Variants in TEAD1 observed in about 807,000 individuals in gnomAD.
TEAD1 encodes TEA domain transcription factor 1.
A neutral mutation model predicts 54.9 loss-of-function variants in TEAD1; 9 were observed. The ratio of observed to expected loss-of-function variants is 0.16; its 90% CI spans 0.10 to 0.29. The LOEUF (loss-of-function observed/expected upper bound fraction) is 0.29. Among genes scored for constraint, TEAD1 ranks in the 10% least tolerant of loss-of-function variants. The pLI is 1.00. For missense variants in TEAD1, 387 were observed against 535.9 expected (o/e 0.72, Z 2.74); for synonymous variants, 200 against 187.8 (o/e 1.07, Z -0.53).
At chr11:12,749,393 T>C (rs75357770) in intron 2 of TEAD1, among the ~76,000 whole-genome samples, 6,560 of 152,256 alleles carry the variant, frequency 0.043, 459 homozygotes, top group African/African-American at 0.15. Context: ...GAAGGAAATA[T>C]ATTCCCCCTG....
chr11:12,708,667 G>A (rs902009904), intron 2 of TEAD1, among the ~76,000 whole-genome samples: 8 of 152,066 alleles, frequency 5.3e-5, no homozygotes, highest in Non-Finnish European at 1.0e-4. Context: ...GTGTTCCTCC[G>A]CACCATAATG....
At chr11:12,790,816 A>G (rs1945785325) in intron 3 of TEAD1, among the ~76,000 whole-genome samples, 1 of 152,220 alleles carries the variant, frequency 6.6e-6, no homozygotes, top group Non-Finnish European at 1.5e-5. Flanking sequence ...CCAGTGAGTT[A>G]CCACTTCATA....
chr11:12,908,176 A>G (rs1408095618), intron 10 of TEAD1, among the ~76,000 whole-genome samples: 1 of 152,136 alleles, frequency 6.6e-6, no homozygotes, highest in South Asian at 2.1e-4. Flanking sequence ...CCTGCTTTTC[A>G]TATGCAAACC....
At chr11:12,854,758 ATTTT>A (rs11364747) in intron 3 of TEAD1, among the ~76,000 whole-genome samples, 1 of 124,092 alleles carries the variant, frequency 8.1e-6, no homozygotes, top group African/African-American at 3.0e-5. Context: ...AGCCTGGCTG[ATTTT>A]TTTTTTTTTT....
chr11:12,722,325 G>A (rs1470216455), intron 2 of TEAD1, among the ~76,000 whole-genome samples: 1 of 152,154 alleles, frequency 6.6e-6, no homozygotes, highest in Non-Finnish European at 1.5e-5. Flanking sequence ...GAAGAAGAAC[G>A]CAAGAGGGGA....
intron 8 of TEAD1, among the ~76,000 whole-genome samples, 162 bp from the exon 9 acceptor site, chr11:12,882,839 C>T (rs1195382658): frequency 6.6e-6 from 1 of 152,154 alleles, no homozygotes; most frequent in Admixed American, 6.5e-5. Context: ...TCACTGGGGC[C>T]CTCTGCCAGC....
At chr11:12,893,804 A>G (rs1444780940) in intron 9 of TEAD1, among the ~76,000 whole-genome samples, 2 of 152,220 alleles carry the variant, frequency 1.3e-5, no homozygotes, top group African/African-American at 4.8e-5. Flanking sequence ...ATGAAGTGGC[A>G]TATCAGGGCC....
intron 11 of TEAD1, among the ~76,000 whole-genome samples, chr11:12,927,985 T>C (rs1432201918): frequency 6.6e-6 from 1 of 152,190 alleles, no homozygotes; most frequent in Non-Finnish European, 1.5e-5. Context: ...TAGGCTTTTA[T>C]TAATGGTCTT....
chr11:12,678,407 T>C (rs1479487945), intron 2 of TEAD1, among the ~76,000 whole-genome samples: 1 of 152,236 alleles, frequency 6.6e-6, no homozygotes, highest in African/African-American at 2.4e-5. Flanking sequence ...GCACAATCTT[T>C]TATAGCTGCA....
chr11:12,703,062 C>T (rs889391315), intron 2 of TEAD1, among the ~76,000 whole-genome samples: 21 of 152,142 alleles, frequency 1.4e-4, no homozygotes, highest in Non-Finnish European at 1.6e-4. Flanking sequence ...ACATCTTATC[C>T]TGGGGCTCCC....
chr11:12,844,357 A>G (rs1947097818), intron 3 of TEAD1, among the ~76,000 whole-genome samples: 2 of 152,240 alleles, frequency 1.3e-5, no homozygotes, highest in South Asian at 4.1e-4. Flanking sequence ...TTTTTCTTTC[A>G]ACGTGTTAGA....
At chr11:12,929,146 T>C (rs1948961760) in intron 11 of TEAD1, among the ~76,000 whole-genome samples, 1 of 149,642 alleles carries the variant, frequency 6.7e-6, no homozygotes, top group African/African-American at 2.4e-5. Flanking sequence ...CTATCTGCTG[T>C]GTTTTCTTTG....
chr11:12,929,163 C>CGTGTGTGTGTGTGTGTGTGTGT lies in TEAD1; in HGVS notation c.1015-994_1015-973dup, dbSNP rs60060462. Reference sequence around the variant, plus strand: ...ATCTGCTGTGTTTTCTTTGCTTTGCCGTGTGTGTGTGTGTGTGTGTGTGTG... The same window carrying CGTGTGTGTGTGTGTGTGTGTGT: ...ATCTGCTGTGTTTTCTTTGCTTTGCCGTGTGTGTGTGTGTGTGTGTGTGTGTGTGTGTGTGTGTGTGTGTGTG... On this transcript the variant is annotated intron_variant, in intron 11 of 12. Coordinates refer to ENST00000527636, the MANE Select transcript of TEAD1 (RefSeq NM_021961.6). 6.4e-4 allele frequency among the ~76,000 whole-genome samples: 68 copies of CGTGTGTGTGTGTGTGTGTGTGT among 106,808 alleles called. 1 individual carries two copies. Among genetic ancestry groups the CGTGTGTGTGTGTGTGTGTGTGT allele is most frequent in the African/African-American group, 1.6e-3 (47 of 30,090 alleles). The allele number at this position is 106,808 out of a possible 152,430, so 70.1% of individuals were successfully genotyped here.
Position 12,716,911 on chromosome 11 carries a change from C to T in TEAD1, c.-55+41350C>T, listed in dbSNP as rs375613485. ...CCTGGCTCTGCGTTCCCGACATAGG[C>T]GCTGAATGGCTTCCCGCCCTGAGGT... On this transcript the variant is annotated intron_variant, in intron 2 of 12. Coordinates refer to ENST00000527636, the MANE Select transcript of TEAD1 (RefSeq NM_021961.6). Among the ~76,000 whole-genome samples, 8 of 152,320 alleles carry T rather than the reference C, an allele frequency of 5.3e-5. No homozygotes were observed. The South Asian group carries it at 6.2e-4, about 12-fold the overall frequency.
At position 12,944,346 on chromosome 11, in the gene TEAD1, G is replaced by A. The variant is rs528853005; in HGVS notation, c.*7124G>A. On this transcript the variant is annotated 3_prime_UTR_variant, in exon 13 of 13. Coordinates refer to ENST00000527636, the MANE Select transcript of TEAD1 (RefSeq NM_021961.6). Reference sequence around the variant, plus strand: ...GTACAGTATTCTTGTATTTGTTAACGTCTGTGTTTAGGTACTGGTACCTTT... The same window carrying A: ...GTACAGTATTCTTGTATTTGTTAACATCTGTGTTTAGGTACTGGTACCTTT... The A allele has an allele frequency of 2.6e-5, 4 of 152,652 alleles. No individual in the cohort carries two copies. Among genetic ancestry groups the A allele is most frequent in the African/African-American group, 7.2e-5 (3 of 41,542 alleles). 9.5% of individuals were successfully genotyped at this position (152,652 alleles called of 1,614,324 possible). A position where few individuals can be genotyped will look rare whatever the true frequency, so the allele number is the denominator to read the frequency against.
At chr11:12,881,623 G>A (rs1456416207) in intron 7 of TEAD1, among the ~76,000 whole-genome samples, 4 of 152,212 alleles carry the variant, frequency 2.6e-5, no homozygotes, top group Non-Finnish European at 5.9e-5. Context: ...GACCTCAGAG[G>A]TTCAAAGGCA....
At position 12,921,455 on chromosome 11, in the gene TEAD1, G is replaced by A. The variant is rs189756688; in HGVS notation, c.874-3457G>A. Among the ~76,000 whole-genome samples the A allele has an allele frequency of 1.3e-4, 19 of 148,810 alleles. No individual in the cohort carries two copies. The East Asian group carries it at 2.6e-3, about 20-fold the overall frequency. On this transcript the variant is annotated intron_variant, in intron 10 of 12. Coordinates refer to ENST00000527636, the MANE Select transcript of TEAD1 (RefSeq NM_021961.6). ...CTTGGGAGGCTGAGGCAGGAGAGTC[G>A]CTCAAACCCAGGAGGCAGAGGTTGC...
At chr11:12,809,332 C>T (rs1314653399) in intron 3 of TEAD1, among the ~76,000 whole-genome samples, 3 of 152,172 alleles carry the variant, frequency 2.0e-5, no homozygotes, top group African/African-American at 7.2e-5. Context: ...TTTATTTCCA[C>T]TCTGCATGGA....
chr11:12,803,720 T>G (rs1252685911), intron 3 of TEAD1, among the ~76,000 whole-genome samples: 2 of 152,178 alleles, frequency 1.3e-5, no homozygotes, highest in African/African-American at 4.8e-5. Flanking sequence ...CACATTTCAG[T>G]TGCTGAGCCA....
Sources: allele counts gnomAD v4.1 joint callset (sites outside exome capture counted in the v4.1 genomes callset), GRCh38; gene constraint gnomAD v4.1.1; transcripts MANE v1.5; gene names NCBI Gene and HGNC (gene_info 2026-07-23, HGNC 2026-07-21).